ARHGEF5: variants seen among roughly 807,000 people sequenced by gnomAD.
ARHGEF5 encodes the protein Rho guanine nucleotide exchange factor 5, also known as Rho guanine nucleotide exchange factor (GEF) 5.
A neutral mutation model predicts 104.0 loss-of-function variants in ARHGEF5; 11 were observed. The observed-to-expected ratio is 0.11, with a 90% confidence interval of 0.07 to 0.18. ARHGEF5 has a LOEUF of 0.18. ARHGEF5 is among the 10% of genes least tolerant of loss of function. The pLI is 1.00. For missense variants in ARHGEF5, 165 were observed against 1,335.4 expected, an observed-to-expected ratio of 0.12 and a Z score of 13.66; for synonymous variants, 60 against 512.2, an observed-to-expected ratio of 0.12 and a Z score of 11.92.
At chr7:144,379,764 T>A (rs1421012122) in intron 14 of ARHGEF5, 135 bp from the exon 15 acceptor site, 1 of 1,186,500 alleles carries the variant, frequency 8.4e-7, no homozygotes, top group Non-Finnish European at 1.2e-6. Flanking sequence ...TTAGGACACT[T>A]GGAGGCTGGG....
At chr7:144,357,737 T>C (rs1288422733) in intron 1 of ARHGEF5, among the ~76,000 whole-genome samples, 1 of 151,920 alleles carries the variant, frequency 6.6e-6, no homozygotes, top group Admixed American at 6.5e-5. Context: ...GGGGGGGCTC[T>C]AGGGAAGATA....
At chr7:144,379,095 G>C (rs1470417669) in intron 14 of ARHGEF5, among the ~76,000 whole-genome samples, 1 of 152,208 alleles carries the variant, frequency 6.6e-6, no homozygotes, top group East Asian at 1.9e-4. Flanking sequence ...ACCTTTTCCA[G>C]TCTGGTAGCC....
At position 144,363,849 on chromosome 7, in the gene ARHGEF5, A is replaced by T; in HGVS notation, c.1180A>T (p.Arg394Trp). The change falls in exon 2 of 15, where the codon AGG becomes TGG. Residue 394 changes from arginine to tryptophan, a missense_variant. By Grantham distance (101) the Arg-to-Trp change is moderately radical. Coordinates refer to ENST00000056217, the MANE Select transcript of ARHGEF5 (RefSeq NM_005435.4). Reference sequence around the variant, plus strand: ...CAGGCTGGGGGCAGTGGGAAGAGCGAGGAGCAGGGAAGAGGAGAATGAGCA... The same window carrying T: ...CAGGCTGGGGGCAGTGGGAAGAGCGTGGAGCAGGGAAGAGGAGAATGAGCA... ...GGRLGAVGRA[R>W]SREEENEHHG... is the part of the protein sequence containing the mutation. 6.8e-7 allele frequency: 1 copy of T among 1,472,818 alleles called. No individual in the cohort carries two copies. Among genetic ancestry groups the T allele is most frequent in the Non-Finnish European group, 9.3e-7 (1 of 1,072,768 alleles). 91.2% of individuals were successfully genotyped at this position (1,472,818 alleles called of 1,614,324 possible).
At position 144,378,854 on chromosome 7, in the gene ARHGEF5, C is replaced by T; in HGVS notation, c.4624C>T (p.Gln1542Ter). ...EKADVVMVTQ[Q>*]SSDGWLEGVR... ...AGCCGACGTGGTGATGGTGACTCAG[C>T]AGAGCAGTGACGGTAAGCGGGAGCA... Residue 1542 changes from glutamine to a stop codon, truncating the protein, a stop_gained, in exon 14 of 15, where the codon CAG (glutamine) becomes TAG (stop). Transcript: ENST00000056217. LOFTEE classifies it high-confidence loss of function. 1 of 1,614,000 alleles carries T rather than the reference C, an allele frequency of 6.2e-7. No individual in the cohort carries two copies. The highest frequency in any genetic ancestry group is 8.5e-7 in the Non-Finnish European group (1 of 1,179,892).
At position 144,378,872 on chromosome 7, in the gene ARHGEF5, CG is replaced by C. The variant is rs769358027; in HGVS notation, c.4636+9del. The C allele has an allele frequency of 1.2e-6, 2 of 1,612,676 alleles. No homozygotes were observed. Among genetic ancestry groups the C allele is most frequent in the South Asian group, 2.2e-5 (2 of 91,030 alleles). ...GACTCAGCAGAGCAGTGACGGTAAG[CG>C]GGAGCATGCGTGAGCAGCAGGCCAG... On this transcript the variant is annotated splice_region_variant and intron_variant, in intron 14 of 14. Coordinates refer to ENST00000056217, the MANE Select transcript of ARHGEF5 (RefSeq NM_005435.4).
chr7:144,373,904 C>T (rs1411605998), intron 10 of ARHGEF5, among the ~76,000 whole-genome samples: 5 of 139,022 alleles, frequency 3.6e-5, no homozygotes, highest in South Asian at 2.5e-4. Context: ...TGCAGTGGTG[C>T]GATCTTGGCT....
Position 144,378,772 on chromosome 7 carries a change from G to A in ARHGEF5, c.4542G>A (p.Gln1514=). Residue 1514 remains glutamine, a synonymous_variant, in exon 14 of 15, where the codon CAG becomes CAA. Coordinates refer to ENST00000056217, the MANE Select transcript of ARHGEF5 (RefSeq NM_005435.4). ...LDLLECYNSP[Q]VQCLRAYKPR... is the part of the protein sequence containing the mutation. ...TCTTCTCTTCCAAAGACTCCCCCCA[G>A]GTACAGTGCCTTCGAGCCTACAAGC... The A allele has an allele frequency of 6.2e-7, 1 of 1,613,916 alleles. No individual in the cohort carries two copies. The highest frequency in any genetic ancestry group is 8.5e-7 in the Non-Finnish European group (1 of 1,179,886).
chr7:144,360,789 A>G (rs1442244847), intron 1 of ARHGEF5, among the ~76,000 whole-genome samples: 2 of 137,032 alleles, frequency 1.5e-5, no homozygotes, highest in African/African-American at 5.4e-5. Context: ...AATCTCATAA[A>G]TTTTACTATC....
rs779393147 is a variant in ARHGEF5, at chr7:144,378,801, G to A, written c.4571G>A (p.Arg1524Gln). ...CAGTGCCTTCGAGCCTACAAGCCCC[G>A]AGAGAATGATGAATTGGCACTGGAG... is the stretch of plus-strand genomic sequence containing the variant. ...QVQCLRAYKP[R>Q]ENDELALEKA... Residue 1524 changes from arginine to glutamine, a missense_variant, in exon 14 of 15, where the codon CGA becomes CAA. Transcript: ENST00000056217. 2.0e-5 allele frequency: 32 copies of A among 1,613,878 alleles called. No homozygotes were observed. The highest frequency in any genetic ancestry group is 2.7e-5 in the African/African-American group (2 of 74,892).
chr7:144,361,231 A>T (rs2053636834), intron 1 of ARHGEF5, among the ~76,000 whole-genome samples: 1 of 43,482 alleles, frequency 2.3e-5, no homozygotes, highest in Non-Finnish European at 6.0e-5. Flanking sequence ...CATCTCAAAA[A>T]AAAAAAAAAA....
At chr7:144,373,905 G>A (rs1331753440) in intron 10 of ARHGEF5, among the ~76,000 whole-genome samples, 18 of 138,668 alleles carry the variant, frequency 1.3e-4, no homozygotes, top group Non-Finnish European at 1.9e-4. Flanking sequence ...GCAGTGGTGC[G>A]ATCTTGGCTC....
At position 144,378,838 on chromosome 7, in the gene ARHGEF5, G is replaced by A. The variant is rs759316462; in HGVS notation, c.4608G>A (p.Val1536=). 3.1e-6 allele frequency: 5 copies of A among 1,614,134 alleles called. No homozygotes were observed. The highest frequency in any genetic ancestry group is 4.2e-6 in the Non-Finnish European group (5 of 1,179,990). ...NDELALEKAD[V]VMVTQQSSDG... is the part of the protein sequence containing the mutation. ...AATTGGCACTGGAGAAAGCCGACGT[G>A]GTGATGGTGACTCAGCAGAGCAGTG... The change falls in exon 14 of 15, where the codon GTG becomes GTA. Residue 1536 remains valine (V), a synonymous_variant. Coordinates refer to ENST00000056217, the MANE Select transcript of ARHGEF5 (RefSeq NM_005435.4).
Sources: allele counts gnomAD v4.1 joint callset (sites outside exome capture counted in the v4.1 genomes callset), GRCh38; gene constraint gnomAD v4.1.1; transcripts MANE v1.5; gene names NCBI Gene and HGNC (gene_info 2026-07-23, HGNC 2026-07-21).